BRD7: variants seen among roughly 807,000 people sequenced by gnomAD.
The protein encoded by BRD7 is bromodomain containing 7, also known as bromodomain-containing protein 7.
BRD7 carries 15 observed loss-of-function variants against 82.1 expected under a neutral mutation model. The observed-to-expected ratio is 0.18, with a 90% confidence interval of 0.12 to 0.28. The LOEUF (loss-of-function observed/expected upper bound fraction) is 0.28, where lower values mean the gene tolerates loss of function less well. Ranked by LOEUF, BRD7 falls within the 10% of genes least tolerant of loss-of-function variation. BRD7 has a pLI of 1.00. For synonymous variants in BRD7, 232 were observed against 266.9 expected, an observed-to-expected ratio of 0.87 and a Z score of 1.27; for missense variants, 638 against 779.9, an observed-to-expected ratio of 0.82 and a Z score of 2.17.
intron 7 of BRD7, 54 bp downstream of exon 7, chr16:50,334,657 C>T: frequency 1.9e-6 from 3 of 1,579,286 alleles, no homozygotes; most frequent in Non-Finnish European, 2.6e-6. Flanking sequence ...GTATTTTTCC[C>T]CCTTACTAGC....
chr16:50,352,701 G>GTTTTTTTTT (rs34714781), intron 4 of BRD7, among the ~76,000 whole-genome samples: 8 of 127,630 alleles, frequency 6.3e-5, no homozygotes, highest in Non-Finnish European at 6.6e-5. Flanking sequence ...TGCCAGCTTT[G>GTTTTTTTTT]TTTTTTTTTT....
At chr16:50,355,281 A>G (rs536914004) in intron 2 of BRD7, among the ~76,000 whole-genome samples, 1 of 152,336 alleles carries the variant, frequency 6.6e-6, no homozygotes, top group South Asian at 2.1e-4. Flanking sequence ...ATGTTCATGA[A>G]TTCAGAGTCA....
intron 11 of BRD7, among the ~76,000 whole-genome samples, chr16:50,324,224 C>A (rs551531440): frequency 6.6e-6 from 1 of 152,194 alleles, no homozygotes; most frequent in South Asian, 2.1e-4. Context: ...GAGTAAGCCT[C>A]GGCATCTCTC....
chr16:50,359,565 A>C lies in BRD7; in HGVS notation c.259-4643T>G, dbSNP rs571796013. ...AGTGAAACAGCAGAGATGTTCATTA[A>C]ATAACTCATTCAAAAAACAAACAGG... On this transcript the variant is annotated intron_variant, in intron 2 of 16. Coordinates refer to ENST00000394688, the MANE Select transcript of BRD7 (RefSeq NM_013263.5). 2.0e-5 allele frequency among the ~76,000 whole-genome samples: 3 copies of C among 151,916 alleles called. 1 individual carries two copies. In the South Asian group the frequency reaches 6.2e-4, roughly 31 times the overall value.
chr16:50,352,109 C>G (rs760420769), intron 4 of BRD7, among the ~76,000 whole-genome samples: 1 of 152,208 alleles, frequency 6.6e-6, no homozygotes, highest in Non-Finnish European at 1.5e-5. Flanking sequence ...CTACTCTCTA[C>G]TTCTATGAAT....
intron 8 of BRD7, among the ~76,000 whole-genome samples, chr16:50,333,099 G>A (rs927304508): frequency 5.3e-5 from 8 of 152,114 alleles, no homozygotes; most frequent in East Asian, 1.9e-4. Context: ...ATATACCCAC[G>A]TAACAAAATG....
At chr16:50,333,466 G>A in intron 8 of BRD7, 108 bp downstream of exon 8, 6 of 1,369,744 alleles carry the variant, frequency 4.4e-6, no homozygotes, top group Non-Finnish European at 5.0e-6. Flanking sequence ...TACTGATGAA[G>A]AGCTCTATGG....
At position 50,321,969 on chromosome 16, in the gene BRD7, A is replaced by G. The variant is rs1030160677; in HGVS notation, c.1500+13T>C. 6.2e-7 allele frequency: 1 copy of G among 1,602,352 alleles called. No individual in the cohort carries two copies. The highest frequency in any genetic ancestry group is 1.7e-5 in the Admixed American group (1 of 57,648). On this transcript the variant is annotated intron_variant, in intron 13 of 16. Coordinates refer to ENST00000394688, the MANE Select transcript of BRD7 (RefSeq NM_013263.5). ...CATTTAAATATTTCTTGTAAAGTGT[A>G]AAATAAAATCACCTCCATTTCTTTT...
intron 4 of BRD7, 142 bp downstream of exon 4, chr16:50,354,283 T>A: frequency 1.5e-6 from 1 of 659,076 alleles, no homozygotes; most frequent in Non-Finnish European, 2.6e-6. Context: ...CCTAGCCTCT[T>A]GGAGTACTTC....
chr16:50,343,801 G>C (rs576787268), intron 5 of BRD7, among the ~76,000 whole-genome samples: 2 of 152,332 alleles, frequency 1.3e-5, no homozygotes, highest in African/African-American at 2.4e-5. Context: ...CAAAGCCACC[G>C]GGAAGCTCGA....
chr16:50,320,295 G>T lies in BRD7; in HGVS notation c.1709C>A (p.Pro570Gln), dbSNP rs772936465. Residue 570 changes from proline (P) to glutamine (Q), a missense_variant, in exon 15 of 17, where the codon CCG becomes CAG. Transcript: ENST00000394688. ...QNERLSTRPP[P>Q]NMICLLGPSY... ...GGGACCCAAGAGACAGATCATGTTC[G>T]GAGGGGGTCTGGTGCTCAAACGTTC... 6.2e-7 allele frequency: 1 copy of T among 1,614,146 alleles called. No individual in the cohort carries two copies. Among genetic ancestry groups the T allele is most frequent in the East Asian group, 2.2e-5 (1 of 44,882 alleles).
rs772928224 is a variant in BRD7, at chr16:50,334,729, G to A, written c.869C>T (p.Pro290Leu). The A allele has an allele frequency of 6.2e-7, 1 of 1,613,270 alleles. No homozygotes were observed. The highest frequency in any genetic ancestry group is 8.5e-7 in the Non-Finnish European group (1 of 1,179,662). ...GDAEAHAFKS[P>L]SKENKKKDKD... is the part of the protein sequence containing the mutation. Reference sequence around the variant, plus strand: ...CTTTTACTTTTTATTTTCTTTGCTGGGACTCTTGAAGGCGTGTGCTTCGGC... The same window carrying A: ...CTTTTACTTTTTATTTTCTTTGCTGAGACTCTTGAAGGCGTGTGCTTCGGC... The change falls in exon 7 of 17, where the codon CCC (proline) becomes CTC (leucine). Residue 290 changes from proline to leucine, a missense_variant. By Grantham distance (98) the Pro-to-Leu change is moderately conservative. Around this residue, in one of 3 missense-constraint regions of BRD7, gnomAD observed 402 missense variants for 500.8 expected, o/e 0.80. Coordinates refer to ENST00000394688, the MANE Select transcript of BRD7 (RefSeq NM_013263.5).
At chr16:50,326,499 T>C (rs1018461644) in intron 9 of BRD7, 108 bp from the exon 10 acceptor site, 3 of 663,562 alleles carry the variant, frequency 4.5e-6, no homozygotes, top group Admixed American at 6.4e-5. Flanking sequence ...TGCATGACCG[T>C]GAAGGAGGCT....
chr16:50,327,587 T>C (rs1567602598), intron 9 of BRD7, among the ~76,000 whole-genome samples: 1 of 152,300 alleles, frequency 6.6e-6, no homozygotes, highest in East Asian at 1.9e-4. Context: ...CTTCTTTCCA[T>C]CTTCAAATGC....
chr16:50,357,265 A>G (rs1329950662), intron 2 of BRD7, among the ~76,000 whole-genome samples: 1 of 152,182 alleles, frequency 6.6e-6, no homozygotes, highest in Non-Finnish European at 1.5e-5. Context: ...CACTTTGAGA[A>G]TCACTGATCT....
At position 50,348,664 on chromosome 16, in the gene BRD7, C is replaced by A. The variant is rs143931330; in HGVS notation, c.591+1359G>T. Among the ~76,000 whole-genome samples, 1,359 of 152,308 alleles carry A rather than the reference C, an allele frequency of 8.9e-3. 20 individuals carry two copies. Among genetic ancestry groups the A allele is most frequent in the African/African-American group, 0.031 (1,289 of 41,540 alleles). ...CAGAAGACACGTGAAAAATGCTCATCATCACTGGCAGTCGGAGAAATGCAA... is the reference window on the plus strand; with the variant it reads ...CAGAAGACACGTGAAAAATGCTCATAATCACTGGCAGTCGGAGAAATGCAA... On this transcript the variant is annotated intron_variant, in intron 5 of 16. Transcript: ENST00000394688.
At chr16:50,322,311 A>C (rs2037154816) in intron 12 of BRD7, among the ~76,000 whole-genome samples, 1 of 152,240 alleles carries the variant, frequency 6.6e-6, no homozygotes, top group Admixed American at 6.5e-5. Context: ...TAACTTATAA[A>C]TATGTAAATA....
chr16:50,355,848 T>C (rs2038710309), intron 2 of BRD7, among the ~76,000 whole-genome samples: 1 of 152,160 alleles, frequency 6.6e-6, no homozygotes, highest in African/African-American at 2.4e-5. Context: ...AGTTGATAAA[T>C]TTTGGTACCT....
chr16:50,345,617 T>A (rs1215084158), intron 5 of BRD7, among the ~76,000 whole-genome samples: 3,215 of 101,820 alleles, frequency 0.032, no homozygotes, highest in South Asian at 0.04. Context: ...GGGGTTGCAA[T>A]CCTAGTCTCT....
Sources: allele counts gnomAD v4.1 joint callset (sites outside exome capture counted in the v4.1 genomes callset), GRCh38; gene constraint gnomAD v4.1.1; regional missense constraint gnomAD v4.1.1; transcripts MANE v1.5; gene names NCBI Gene and HGNC (gene_info 2026-07-23, HGNC 2026-07-21).